Variants in GPR180 observed in about 807,000 individuals in gnomAD.
GPR180 encodes the protein integral membrane protein GPR180.
GPR180 carries 53 observed loss-of-function variants against 52.6 expected under a neutral mutation model. The observed-to-expected ratio is 1.01, with a 90% CI of 0.81 to 1.27. GPR180 has a LOEUF of 1.27. Among genes scored for constraint, GPR180 ranks in the 50% most tolerant of loss-of-function variants. The pLI, the probability that GPR180 is intolerant of heterozygous loss-of-function variation, is 0.00. For synonymous variants in GPR180, 200 were observed against 193.1 expected (o/e 1.04, Z -0.30); for missense variants, 533 against 527.0 (o/e 1.01, Z -0.11).
chr13:94,618,807 T>TA (rs1211746772), intron 3 of GPR180, among the ~76,000 whole-genome samples: 3 of 152,160 alleles, frequency 2.0e-5, no homozygotes, highest in Non-Finnish European at 4.4e-5. Flanking sequence ...ACTTTGGGGG[T>TA]AAAATGTATA....
intron 4 of GPR180, 21 bp downstream of exon 4, chr13:94,619,351 CTG>C: frequency 2.5e-6 from 4 of 1,611,394 alleles, no homozygotes; most frequent in Non-Finnish European, 3.4e-6. Context: ...ACCACTAAAA[CTG>C]TGTTCATCAT....
In GPR180 at chr13:94,632,611, TC is replaced by T. The variant is rs1387754685; in HGVS notation, c.*5442del. 2 of 152,328 alleles carry T rather than the reference TC, an allele frequency of 1.3e-5. No individual in the cohort carries two copies. The highest frequency in any genetic ancestry group is 2.9e-5 in the Non-Finnish European group (2 of 68,050). 9.4% of individuals were successfully genotyped at this position (152,328 alleles called of 1,614,324 possible). A position where few individuals can be genotyped will look rare whatever the true frequency, so the allele number is the denominator to read the frequency against. On this transcript the variant is annotated 3_prime_UTR_variant, in exon 9 of 9. Coordinates refer to ENST00000376958, the MANE Select transcript of GPR180 (RefSeq NM_180989.6). The stretch of plus-strand genomic sequence containing the variant: ...CAGTAATCAAGAATTTGCCAAGACT[TC>T]CTTCCCTCCTCCCAAAATGCCTCCA...
chr13:94,605,501 A>C lies in GPR180; in HGVS notation c.256A>C (p.Ser86Arg). The C allele has an allele frequency of 6.2e-7, 1 of 1,614,174 alleles. No homozygotes were observed. Among genetic ancestry groups the C allele is most frequent in the Non-Finnish European group, 8.5e-7 (1 of 1,179,988 alleles). Residue 86 changes from serine to arginine, a missense_variant, in exon 2 of 9, where the codon AGT (serine) becomes CGT (arginine). By Grantham distance (110) the Ser-to-Arg change is moderately radical. Transcript: ENST00000376958. ...GGAATGGCTAAAGCTACAGCAAAGC[A>C]GTCATGGTTATAGCTGTAGTGAAAA... ...AQEWLKLQQS[S>R]HGYSCSEKLS...
intron 1 of GPR180, among the ~76,000 whole-genome samples, chr13:94,603,352 A>G (rs1166209698): frequency 6.6e-6 from 1 of 152,234 alleles, no homozygotes; most frequent in African/African-American, 2.4e-5. Flanking sequence ...TAGGACCAGC[A>G]GAGAGACTTG....
intron 2 of GPR180, among the ~76,000 whole-genome samples, chr13:94,608,762 A>G (rs936540934): frequency 6.6e-6 from 1 of 152,162 alleles, no homozygotes; most frequent in Non-Finnish European, 1.5e-5. Context: ...CCTTTCACCT[A>G]TTTGGTAATG....
rs932492376 is a variant in GPR180 at position 94,627,493 on chromosome 13, T to G, written c.*322T>G. On this transcript the variant is annotated 3_prime_UTR_variant, in exon 9 of 9. Transcript: ENST00000376958. ...CACCACTTATAATGCCTCATCTTAA[T>G]AGCTAACTCAGGTTTAATAGTCTTA... is the stretch of plus-strand genomic sequence containing the variant. The G allele has an allele frequency of 1.4e-5, 4 of 279,476 alleles. No homozygotes were observed. Among genetic ancestry groups the G allele is most frequent in the African/African-American group, 2.3e-5 (1 of 43,892 alleles). 17.3% of individuals were successfully genotyped at this position (279,476 alleles called of 1,614,324 possible).
intron 7 of GPR180, among the ~76,000 whole-genome samples, chr13:94,625,295 C>CTA (rs1889914788): frequency 6.6e-6 from 1 of 151,926 alleles, no homozygotes; most frequent in African/African-American, 2.4e-5. Context: ...GTATATATGC[C>CTA]TATATATATT....
chr13:94,614,965 T>C (rs1364789834), intron 3 of GPR180, among the ~76,000 whole-genome samples: 5 of 152,252 alleles, frequency 3.3e-5, no homozygotes, highest in Non-Finnish European at 1.5e-5. Flanking sequence ...TTGATTAAAA[T>C]GCTTAAAAGC....
intron 2 of GPR180, among the ~76,000 whole-genome samples, chr13:94,605,801 T>C (rs1468257875): frequency 1.3e-5 from 2 of 152,236 alleles, no homozygotes; most frequent in Non-Finnish European, 1.5e-5. Flanking sequence ...GTTTGCATAA[T>C]TTATGCCAAT....
chr13:94,612,263 T>C lies in GPR180; in HGVS notation c.378T>C (p.Tyr126=). The change falls in exon 3 of 9, where the codon TAT becomes TAC. Residue 126 remains tyrosine, a synonymous_variant. Transcript: ENST00000376958. The part of the protein sequence containing the change: ...IPSPQTWHVF[Y]ADKYTCQDDK... ...CTCCACAAACGTGGCATGTGTTTTA[T>C]GCAGACAAGTATACATGCCAAGATG... 6.2e-7 allele frequency: 1 copy of C among 1,613,980 alleles called. No individual in the cohort carries two copies. The highest frequency in any genetic ancestry group is 2.2e-5 in the East Asian group (1 of 44,858).
rs940853419 is a variant in GPR180, at chr13:94,628,149, C to T, written c.*978C>T. 9 of 152,490 alleles carry T rather than the reference C, an allele frequency of 5.9e-5. No individual in the cohort carries two copies. The highest frequency in any genetic ancestry group is 2.2e-4 in the African/African-American group (9 of 41,430). 9.4% of individuals were successfully genotyped at this position (152,490 alleles called of 1,614,324 possible). ...ATGAATAATTGAAAAACAAAACACT[C>T]ACTGGATTTGTTATAATCCGTGTTG... On this transcript the variant is annotated 3_prime_UTR_variant, in exon 9 of 9. Transcript: ENST00000376958.
chr13:94,621,203 A>C lies in GPR180; in HGVS notation c.862A>C (p.Thr288Pro). The change falls in exon 6 of 9, where the codon ACT becomes CCT. Residue 288 changes from threonine (T) to proline (P), a missense_variant. Transcript: ENST00000376958. ...CCAGTGGGATTCTACGCCTGCATCC[A>C]CTGGCATTGCAGTATTCATTGTCAT... is the stretch of plus-strand genomic sequence containing the variant. Reference protein sequence around the residue: ...PLQWDSTPASTGIAVFIVMTQ... With the variant: ...PLQWDSTPASPGIAVFIVMTQ... 6.2e-7 allele frequency: 1 copy of C among 1,608,290 alleles called. No homozygotes were observed. Among genetic ancestry groups the C allele is most frequent in the Non-Finnish European group, 8.5e-7 (1 of 1,178,912 alleles).
chr13:94,617,210 C>T (rs2139569639), intron 3 of GPR180, among the ~76,000 whole-genome samples: 1 of 151,990 alleles, frequency 6.6e-6, no homozygotes, highest in African/African-American at 2.4e-5. Flanking sequence ...TCCTGTAAGT[C>T]AGAAACTTTA....
intron 8 of GPR180, among the ~76,000 whole-genome samples, chr13:94,626,427 C>G (rs1457396076): frequency 1.3e-5 from 2 of 152,060 alleles, no homozygotes; most frequent in Admixed American, 6.5e-5. Context: ...GTGCCATGCT[C>G]AAGTATGATG....
At chr13:94,621,000 A>AT in intron 5 of GPR180, 78 bp from the exon 6 acceptor site, 1 of 1,278,162 alleles carries the variant, frequency 7.8e-7, no homozygotes, top group Non-Finnish European at 1.1e-6. Flanking sequence ...AAAAAAAAAA[A>AT]GATGTTCTCA....
Position 94,625,956 on chromosome 13 carries a change from T to A in GPR180, c.1087-10T>A, listed in dbSNP as rs1365127042. On this transcript the variant is annotated splice_polypyrimidine_tract_variant and intron_variant, in intron 7 of 8. Transcript: ENST00000376958. ...CAGTTCTACTTATTTCACTTTTTCC[T>A]TTGTTTCAGGGCTGTATCTTGTGGT... The A allele has an allele frequency of 4.4e-6, 7 of 1,606,360 alleles. No homozygotes were observed. Among genetic ancestry groups the A allele is most frequent in the African/African-American group, 1.3e-5 (1 of 74,746 alleles).
chr13:94,614,648 G>C (rs1002491556), intron 3 of GPR180, among the ~76,000 whole-genome samples: 2 of 152,076 alleles, frequency 1.3e-5, no homozygotes, highest in Non-Finnish European at 2.9e-5. Flanking sequence ...TAACCGTTAT[G>C]ATTCAGTTCT....
intron 7 of GPR180, among the ~76,000 whole-genome samples, chr13:94,625,060 C>T (rs1889910197): frequency 6.6e-6 from 1 of 152,146 alleles, no homozygotes; most frequent in Admixed American, 6.5e-5. Context: ...GTGATCCGCC[C>T]GCCTCGGCCT....
chr13:94,618,422 T>G (rs1449304493), intron 3 of GPR180, among the ~76,000 whole-genome samples: 1 of 76,012 alleles, frequency 1.3e-5, no homozygotes, highest in South Asian at 5.1e-4. Flanking sequence ...AGCACAGGAT[T>G]TTTTTTTTTT....
Sources: gnomAD v4.1 joint callset for allele counts (sites outside exome capture counted in the v4.1 genomes callset) on GRCh38, gnomAD v4.1.1 for gene constraint, MANE v1.5 for transcripts, NCBI Gene and HGNC (gene_info 2026-07-23, HGNC 2026-07-21) for gene names.